Variants in TRPM3 observed in about 807,000 individuals in gnomAD.
TRPM3 encodes the protein transient receptor potential cation channel subfamily M member 3, also known as long transient receptor potential channel 3.
Under a neutral mutation model 181.2 loss-of-function variants are expected in TRPM3, and 77 were observed. The ratio of observed to expected loss-of-function variants is 0.42; its 90% CI spans 0.35 to 0.51. The LOEUF (loss-of-function observed/expected upper bound fraction) is 0.51, where lower values mean the gene tolerates loss of function less well. Among genes scored for constraint, TRPM3 ranks in the 20% least tolerant of loss-of-function variants. The pLI is 0.01. For missense variants in TRPM3, 1,759 were observed against 2,196.7 expected (o/e 0.80, Z 3.98); for synonymous variants, 745 against 796.4 (o/e 0.94, Z 1.09).
At chr9:70,821,570 A>G (rs2093173302) in intron 6 of TRPM3, among the ~76,000 whole-genome samples, 1 of 152,246 alleles carries the variant, frequency 6.6e-6, no homozygotes, top group African/African-American at 2.4e-5. Context: ...ATATCTGAAC[A>G]GTAAAATAAA....
At chr9:71,134,014 T>TGCGCGCGCGTGCGCGCGC (rs373984405) in intron 1 of TRPM3, among the ~76,000 whole-genome samples, 3 of 139,950 alleles carry the variant, frequency 2.1e-5, no homozygotes, top group Admixed American at 2.1e-4. Context: ...TGTGTGTGTG[T>TGCGCGCGCGTGCGCGCGC]GCGCGTGCGC....
intron 1 of TRPM3, among the ~76,000 whole-genome samples, chr9:70,909,976 G>A (rs891685854): frequency 1.3e-5 from 2 of 152,186 alleles, no homozygotes; most frequent in Admixed American, 1.3e-4. Flanking sequence ...ACAATTTGGA[G>A]TGTCATTTGA....
intron 1 of TRPM3, among the ~76,000 whole-genome samples, chr9:71,377,241 T>A (rs1261197752): frequency 6.6e-6 from 1 of 152,042 alleles, no homozygotes. Context: ...CGATAGCAGA[T>A]CATTATAATA....
At chr9:70,695,259 C>T (rs1427980057) in intron 8 of TRPM3, among the ~76,000 whole-genome samples, 2 of 152,218 alleles carry the variant, frequency 1.3e-5, no homozygotes, top group Non-Finnish European at 1.5e-5. Flanking sequence ...TCTACTGCAC[C>T]TCTCTGAGCT....
Position 70,897,265 on chromosome 9 carries a change from G to A in TRPM3, c.178-32754C>T, listed in dbSNP as rs1391541269. Among the ~76,000 whole-genome samples, 38 of 108,838 alleles carry A rather than the reference G, an allele frequency of 3.5e-4. 3 individuals carry two copies. The highest frequency in any genetic ancestry group is 3.7e-5 in the African/African-American group (1 of 27,308). 71.4% of individuals were successfully genotyped at this position (108,838 alleles called of 152,430 possible). The stretch of plus-strand genomic sequence containing the variant: ...CTCCGTGCTCCCCTTCCCAGCCTCT[G>A]GTAACCACTATTTTACTCACTGTCT... On this transcript the variant is annotated intron_variant, in intron 1 of 25. Transcript: ENST00000677713.
At chr9:70,849,209 A>T (rs1173667350) in intron 3 of TRPM3, among the ~76,000 whole-genome samples, 2 of 152,102 alleles carry the variant, frequency 1.3e-5, no homozygotes, top group Non-Finnish European at 2.9e-5. Flanking sequence ...CAATGGCATG[A>T]TCTCGGCTTA....
At chr9:71,279,598 C>G (rs1356186338) in intron 1 of TRPM3, among the ~76,000 whole-genome samples, 1 of 152,222 alleles carries the variant, frequency 6.6e-6, no homozygotes, top group Middle Eastern at 3.4e-3. Flanking sequence ...GACTCTATGA[C>G]AGCCTAGAAA....
intron 7 of TRPM3, chr9:70,775,531 C>T (rs1323492295): frequency 6.6e-6 from 1 of 152,142 alleles, no homozygotes; most frequent in Non-Finnish European, 1.5e-5. Flanking sequence ...TGATCTTGAC[C>T]TGTAGGTCAG....
At position 70,629,223 on chromosome 9, in the gene TRPM3, G is replaced by T. The variant is rs1261171016; in HGVS notation, c.1633-3706C>A. ...GATTCTGTGACCAGTGCCGGGGGGG[G>T]GGGGGGCCTGCGTTCTGTTTGACCA... On this transcript the variant is annotated intron_variant, in intron 12 of 25. Coordinates refer to ENST00000677713, the MANE Select transcript of TRPM3 (RefSeq NM_001366145.2). Among the ~76,000 whole-genome samples, 8 of 89,076 alleles carry T rather than the reference G, an allele frequency of 9.0e-5. 1 individual carries two copies. The highest frequency in any genetic ancestry group is 2.2e-4 in the African/African-American group (6 of 27,766). The allele number at this position is 89,076 out of a possible 152,430, so 58.4% of individuals were successfully genotyped here.
intron 1 of TRPM3, among the ~76,000 whole-genome samples, chr9:71,199,779 CT>C (rs2078656338): frequency 6.7e-6 from 1 of 150,216 alleles, no homozygotes; most frequent in South Asian, 2.1e-4. Flanking sequence ...CTTTATTAGT[CT>C]TGCTAGCAGT....
chr9:71,346,797 G>C (rs1040756134), intron 1 of TRPM3, among the ~76,000 whole-genome samples: 1 of 152,218 alleles, frequency 6.6e-6, no homozygotes, highest in African/African-American at 2.4e-5. Context: ...GTAGGGGTGG[G>C]AGGTAGAAGT....
At chr9:71,122,995 C>G (rs1288562249), upstream of TRPM3, among the ~76,000 whole-genome samples, 3 of 152,150 alleles carry the variant, frequency 2.0e-5, no homozygotes. Flanking sequence ...TAGGTTTATG[C>G]CCATGTCAAC....
At chr9:70,831,569 T>C (rs1458528374) in intron 5 of TRPM3, among the ~76,000 whole-genome samples, 2 of 152,008 alleles carry the variant, frequency 1.3e-5, no homozygotes, top group African/African-American at 4.8e-5. Context: ...CCCAAGAACA[T>C]AGGATGATCC....
Position 70,532,858 on chromosome 9 carries a change from A to G in TRPM3, c.*3095T>C, listed in dbSNP as rs2131548421. On this transcript the variant is annotated 3_prime_UTR_variant, in exon 26 of 26. Coordinates refer to ENST00000677713, the MANE Select transcript of TRPM3 (RefSeq NM_001366145.2). ...CCTCGATCAGGGATGTGGTGGAATC[A>G]ATGGGCTGAGCATAAGCTGACTGCA... The G allele has an allele frequency of 6.6e-6, 1 of 152,356 alleles. No individual in the cohort carries two copies. Among genetic ancestry groups the G allele is most frequent in the Non-Finnish European group, 1.5e-5 (1 of 68,036 alleles). 9.4% of individuals were successfully genotyped at this position (152,356 alleles called of 1,614,324 possible). A position where few individuals can be genotyped will look rare whatever the true frequency, so the allele number is the denominator to read the frequency against.
intron 1 of TRPM3, among the ~76,000 whole-genome samples, chr9:71,049,328 T>A (rs1320127483): frequency 2.6e-5 from 4 of 152,150 alleles, no homozygotes. Context: ...TAAGTACTCA[T>A]CTTTCAGAGT....
intron 1 of TRPM3, among the ~76,000 whole-genome samples, chr9:71,153,143 T>C (rs2075821128): frequency 6.6e-6 from 1 of 152,124 alleles, no homozygotes; most frequent in Admixed American, 6.5e-5. Context: ...CAGATCATCT[T>C]GGTAATGTAC....
intron 1 of TRPM3, among the ~76,000 whole-genome samples, chr9:71,230,820 T>C (rs2081001634): frequency 6.6e-6 from 1 of 152,200 alleles, no homozygotes; most frequent in Non-Finnish European, 1.5e-5. Context: ...CTTACAAGAC[T>C]TCAGTGTTGC....
intron 1 of TRPM3, among the ~76,000 whole-genome samples, chr9:71,166,267 C>T (rs2076537136): frequency 6.6e-6 from 1 of 152,064 alleles, no homozygotes; most frequent in Admixed American, 6.6e-5. Flanking sequence ...CCCTCTTTCC[C>T]CAAATATAAA....
chr9:70,946,715 C>T (rs1490283781), intron 1 of TRPM3, among the ~76,000 whole-genome samples: 1 of 152,104 alleles, frequency 6.6e-6, no homozygotes, highest in Non-Finnish European at 1.5e-5. Context: ...CCTCATCCTC[C>T]TTTCCAGTCA....
Sources: allele counts gnomAD v4.1 joint callset (sites outside exome capture counted in the v4.1 genomes callset), GRCh38; gene constraint gnomAD v4.1.1; transcripts MANE v1.5; gene names NCBI Gene and HGNC (gene_info 2026-07-23, HGNC 2026-07-21).